The following AMMECR1 variants were observed in gnomAD, a reference collection of about 807,000 sequenced individuals.
AMMECR1 encodes AMMECR nuclear protein 1.
AMMECR1 carries 3 observed loss-of-function variants against 22.5 expected under a neutral mutation model. The observed-to-expected ratio is 0.13, with a 90% CI of 0.06 to 0.35. The LOEUF (loss-of-function observed/expected upper bound fraction) is 0.35. Among genes scored for constraint, AMMECR1 ranks in the 10% least tolerant of loss-of-function variants. AMMECR1 has a pLI of 1.00. For synonymous variants in AMMECR1, 130 were observed against 116.7 expected (o/e 1.11, Z -0.74); for missense variants, 235 against 278.7 (o/e 0.84, Z 1.12).
At chrX:110,396,839 T>C in intron 2 of AMMECR1, among the ~76,000 whole-genome samples, 1 of 112,194 alleles carries the variant, frequency 8.9e-6, no homozygotes, top group Non-Finnish European at 1.9e-5. Flanking sequence ...GTGTTTTCTG[T>C]TGCTGTTGAA....
At chrX:110,347,870 T>C (rs1471050626) in intron 2 of AMMECR1, among the ~76,000 whole-genome samples, 1 of 112,449 alleles carries the variant, frequency 8.9e-6, no homozygotes, top group East Asian at 2.8e-4. Context: ...TCTTCTCTTA[T>C]AATCACATGG....
chrX:110,364,267 A>G (rs1272843163), intron 2 of AMMECR1, among the ~76,000 whole-genome samples: 1 of 111,634 alleles, frequency 9.0e-6, no homozygotes, highest in African/African-American at 3.3e-5. Flanking sequence ...GCCCACCCTA[A>G]TCCAGGATGA....
chrX:110,409,120 A>G (rs1443385298), intron 2 of AMMECR1, among the ~76,000 whole-genome samples: 1 of 111,658 alleles, frequency 9.0e-6, no homozygotes, highest in East Asian at 2.8e-4. Context: ...TGTGGATGCA[A>G]GCACACAGCT....
chrX:110,198,540 G>A lies in AMMECR1; in HGVS notation c.982C>T (p.Pro328Ser). Residue 328 changes from proline (P) to serine (S), a missense_variant, in exon 6 of 6, where the codon CCA becomes TCA. Physicochemically the swap from Pro to Ser is moderately conservative, Grantham distance 74. Coordinates refer to ENST00000262844, the MANE Select transcript of AMMECR1 (RefSeq NM_015365.3). ...FQNGIGHPLPPYNHYS is the reference protein window; with the variant it reads ...FQNGIGHPLPSYNHYS ...CAGTGTCAGGAATAATGGTTGTATGGCGGAAGGGGATGCCCAATGCCATTT... is the reference window on the plus strand; with the variant it reads ...CAGTGTCAGGAATAATGGTTGTATGACGGAAGGGGATGCCCAATGCCATTT... The A allele has an allele frequency of 1.7e-6, 2 of 1,191,532 alleles. No homozygotes were observed. Among genetic ancestry groups the A allele is most frequent in the East Asian group, 3.0e-5 (1 of 33,338 alleles).
At chrX:110,289,290 T>A (rs2067896140) in intron 1 of AMMECR1, among the ~76,000 whole-genome samples, 1 of 111,161 alleles carries the variant, frequency 9.0e-6, no homozygotes, top group South Asian at 3.8e-4. Context: ...AGAAGGCACA[T>A]AAAGCCAGTT....
At chrX:110,376,178 C>T (rs1324620469) in intron 2 of AMMECR1, among the ~76,000 whole-genome samples, 1 of 111,278 alleles carries the variant, frequency 9.0e-6, no homozygotes. Context: ...TTCTTTACAC[C>T]ATAAGGATGC....
chrX:110,259,623 G>A (rs1351682492), intron 2 of AMMECR1, among the ~76,000 whole-genome samples: 10 of 102,382 alleles, frequency 9.8e-5, no homozygotes, highest in Non-Finnish European at 1.8e-4. Context: ...ATGGAGTCTC[G>A]CTCTGTCACC....
intron 2 of AMMECR1, chrX:110,346,696 C>G: frequency 2.7e-6 from 2 of 733,285 alleles, no homozygotes; most frequent in Non-Finnish European, 4.4e-6. Context: ...TTGAAAGATT[C>G]ATTGTACTAC....
chrX:110,429,703 A>T (rs191810884), intron 1 of AMMECR1, among the ~76,000 whole-genome samples: 36 of 110,311 alleles, frequency 3.3e-4, no homozygotes, highest in African/African-American at 1.1e-3. Flanking sequence ...GCTGGTCTTG[A>T]ACTCCTGACC....
chrX:110,410,802 C>A (rs2068636964), intron 2 of AMMECR1, among the ~76,000 whole-genome samples: 1 of 111,875 alleles, frequency 8.9e-6, no homozygotes, highest in Admixed American at 9.4e-5. Flanking sequence ...TAGCTGGGGC[C>A]TTGGGACAAG....
intron 1 of AMMECR1, among the ~76,000 whole-genome samples, chrX:110,436,095 C>T (rs1018932128): frequency 8.9e-6 from 1 of 112,559 alleles, no homozygotes; most frequent in Non-Finnish European, 1.9e-5. Context: ...AATCGCTGTG[C>T]GTTTTGCACC....
At chrX:110,201,287 T>C (rs1046369431) in intron 4 of AMMECR1, among the ~76,000 whole-genome samples, 1 of 112,059 alleles carries the variant, frequency 8.9e-6, no homozygotes, top group African/African-American at 3.2e-5. Flanking sequence ...GGCTCCTTTA[T>C]CTTCGCATTC....
intron 2 of AMMECR1, among the ~76,000 whole-genome samples, chrX:110,362,653 A>T (rs1249959373): frequency 8.9e-6 from 1 of 112,001 alleles, no homozygotes; most frequent in African/African-American, 3.2e-5. Context: ...TAAGAATCAC[A>T]TGGTAGGAAA....
chrX:110,374,871 G>A (rs1307220325), intron 2 of AMMECR1, among the ~76,000 whole-genome samples: 1 of 111,023 alleles, frequency 9.0e-6, no homozygotes, highest in Non-Finnish European at 1.9e-5. Flanking sequence ...AGATTATGGA[G>A]GGCCTAAGAA....
In AMMECR1 at chrX:110,197,158, G is replaced by C. The variant is rs973592511; in HGVS notation, c.*1362C>G. The C allele has an allele frequency of 1.8e-5, 2 of 111,682 alleles. No homozygotes were observed. Among genetic ancestry groups the C allele is most frequent in the Admixed American group, 9.5e-5 (1 of 10,571 alleles). 9.2% of individuals were successfully genotyped at this position (111,682 alleles called of 1,213,427 possible). The stretch of plus-strand genomic sequence containing the variant: ...GGAAGACTATACTTGCAGATGAGCT[G>C]GGCTCTAACTATAGCATATCTGAAT... On this transcript the variant is annotated 3_prime_UTR_variant, in exon 6 of 6. Transcript: ENST00000262844.
chrX:110,279,777 G>A (rs963027791), intron 1 of AMMECR1, among the ~76,000 whole-genome samples: 2 of 111,464 alleles, frequency 1.8e-5, no homozygotes, highest in African/African-American at 6.5e-5. Context: ...TCCAGCCCAC[G>A]TGAATGATCA....
At chrX:110,389,119 TAAAG>T (rs1297546969) in intron 2 of AMMECR1, among the ~76,000 whole-genome samples, 2 of 112,621 alleles carry the variant, frequency 1.8e-5, no homozygotes, top group Non-Finnish European at 3.7e-5. Context: ...CATTTTGAAT[TAAAG>T]AAAATTGAAC....
At position 110,337,678 on chromosome X, in the gene AMMECR1, A is replaced by C. The variant is rs781524108; in HGVS notation, c.-147-19829T>G. ...GTATGGCAGTTCCCAAAAAAATAAAAAATAGAATTATATGATCCTTCAATT... is the reference window on the plus strand; with the variant it reads ...GTATGGCAGTTCCCAAAAAAATAAACAATAGAATTATATGATCCTTCAATT... On this transcript the variant is annotated intron_variant, in intron 2 of 7. Transcript: ENST00000372057. Among the ~76,000 whole-genome samples, 18 of 112,318 alleles carry C rather than the reference A, an allele frequency of 1.6e-4. No homozygotes were observed. In the Admixed American group the frequency reaches 1.6e-3, roughly 10 times the overall value.
In AMMECR1 at chrX:110,425,351, C is replaced by T. The variant is rs140623486; in HGVS notation, c.-148+1307G>A. On this transcript the variant is annotated intron_variant, in intron 2 of 7. Transcript: ENST00000372057. ...ACCTTCTTCCTTCACCTTCCCACTC[C>T]GCAATTTCTCAGGCTTCTCTAGAGA... Among the ~76,000 whole-genome samples the T allele has an allele frequency of 7.5e-3, 840 of 112,315 alleles. 8 individuals carry two copies. The highest frequency in any genetic ancestry group is 0.026 in the African/African-American group (808 of 30,937).
Sources: allele counts gnomAD v4.1 joint callset (sites outside exome capture counted in the v4.1 genomes callset), GRCh38; gene constraint gnomAD v4.1.1; transcripts MANE v1.5; gene names NCBI Gene and HGNC (gene_info 2026-07-23, HGNC 2026-07-21).